Variants in FHIT observed in about 807,000 individuals in gnomAD.
The protein encoded by FHIT is bis(5'-adenosyl)-triphosphatase.
Under a neutral mutation model 17.9 loss-of-function variants are expected in FHIT, and 19 were observed. That is an observed-to-expected ratio of 1.06 (90% confidence interval 0.74 to 1.56). The LOEUF (loss-of-function observed/expected upper bound fraction) is 1.56, where lower values mean the gene tolerates loss of function less well. Among genes scored for constraint, FHIT ranks in the 40% most tolerant of loss-of-function variants. The pLI is 0.00. For missense variants in FHIT, 248 were observed against 189.2 expected, an observed-to-expected ratio of 1.31 and a Z score of -1.82; for synonymous variants, 81 against 69.7, an observed-to-expected ratio of 1.16 and a Z score of -0.81.
intron 8 of FHIT, among the ~76,000 whole-genome samples, chr3:59,805,415 T>C (rs1281661200): frequency 1.3e-5 from 2 of 152,202 alleles, no homozygotes; most frequent in African/African-American, 4.8e-5. Flanking sequence ...TAGGAAGGTC[T>C]TTCTGACTGT....
intron 5 of FHIT, among the ~76,000 whole-genome samples, chr3:60,359,497 T>A (rs1699814032): frequency 6.6e-6 from 1 of 152,000 alleles, no homozygotes; most frequent in Admixed American, 6.5e-5. Flanking sequence ...GCCAGGATGG[T>A]CTCAATCTCT....
chr3:61,041,885 T>C (rs1472322773), intron 3 of FHIT, among the ~76,000 whole-genome samples, 162 bp downstream of exon 3: 1 of 152,180 alleles, frequency 6.6e-6, no homozygotes, highest in South Asian at 2.1e-4. Context: ...CTTGAAAGTA[T>C]AGTGCAGTAT....
At chr3:61,221,586 G>C (rs774142927) in intron 1 of FHIT, among the ~76,000 whole-genome samples, 2 of 152,156 alleles carry the variant, frequency 1.3e-5, no homozygotes, top group Non-Finnish European at 2.9e-5. Flanking sequence ...GCTGAAACTG[G>C]TTATAAAGTT....
intron 5 of FHIT, among the ~76,000 whole-genome samples, chr3:60,490,563 C>G (rs1339767708): frequency 6.7e-6 from 1 of 149,398 alleles, no homozygotes; most frequent in African/African-American, 2.6e-5. Context: ...CCTCTTGCTC[C>G]GTCTCCACAG....
rs1489273279 is a variant in FHIT at position 59,747,817 on chromosome 3, A to G, written c.*1768T>C. ...GGTTGGGGGGAGGTGGGTGGGTGGA[A>G]AGGAGTACTGGTTTAGGGTTGAAGC... On this transcript the variant is annotated 3_prime_UTR_variant, in exon 10 of 10. Transcript: ENST00000492590. Among the ~76,000 whole-genome samples, 1 of 152,042 alleles carries G rather than the reference A, an allele frequency of 6.6e-6. No homozygotes were observed. Among genetic ancestry groups the G allele is most frequent in the African/African-American group, 2.4e-5 (1 of 41,420 alleles).
chr3:60,379,282 T>C (rs1193351899), intron 5 of FHIT, among the ~76,000 whole-genome samples: 3 of 152,052 alleles, frequency 2.0e-5, no homozygotes, highest in Non-Finnish European at 2.9e-5. Flanking sequence ...TCTTCCCAGA[T>C]AATTCCCACA....
chr3:60,059,033 G>C (rs539579904), intron 5 of FHIT, among the ~76,000 whole-genome samples: 15 of 152,276 alleles, frequency 9.9e-5, no homozygotes, highest in Admixed American at 7.8e-4. Context: ...GTTACAGTAG[G>C]TAGGTAGTCA....
chr3:60,493,003 G>A (rs898876592), intron 5 of FHIT, among the ~76,000 whole-genome samples: 2 of 152,228 alleles, frequency 1.3e-5, no homozygotes, highest in Non-Finnish European at 2.9e-5. Context: ...CACAGTACAT[G>A]TATACCCACT....
intron 5 of FHIT, among the ~76,000 whole-genome samples, chr3:60,487,717 T>A (rs961529663): frequency 1.3e-5 from 2 of 152,196 alleles, no homozygotes; most frequent in Non-Finnish European, 2.9e-5. Context: ...CACTTCATCA[T>A]CACATTTTAA....
At chr3:60,334,739 A>C (rs1415259691) in intron 5 of FHIT, among the ~76,000 whole-genome samples, 2 of 152,222 alleles carry the variant, frequency 1.3e-5, no homozygotes, top group African/African-American at 4.8e-5. Flanking sequence ...GTGAGCTGAG[A>C]CCACGCCACT....
At chr3:60,106,760 C>T (rs1704434390) in intron 5 of FHIT, among the ~76,000 whole-genome samples, 1 of 152,156 alleles carries the variant, frequency 6.6e-6, no homozygotes, top group Non-Finnish European at 1.5e-5. Flanking sequence ...ATCCAAAAGC[C>T]ACAATATTGA....
At chr3:60,359,600 C>T (rs553211000) in intron 5 of FHIT, among the ~76,000 whole-genome samples, 5 of 152,200 alleles carry the variant, frequency 3.3e-5, no homozygotes, top group Middle Eastern at 3.4e-3. Flanking sequence ...ATATCTTTTT[C>T]GAATTCTGTG....
intron 5 of FHIT, among the ~76,000 whole-genome samples, chr3:60,501,595 G>C (rs1033579899): frequency 3.9e-5 from 6 of 152,126 alleles, no homozygotes; most frequent in African/African-American, 9.7e-5. Context: ...TGGCTCCTAC[G>C]CTCAACTTTT....
chr3:60,423,911 T>C (rs1167476754), intron 5 of FHIT, among the ~76,000 whole-genome samples: 2 of 152,166 alleles, frequency 1.3e-5, no homozygotes, highest in Non-Finnish European at 2.9e-5. Flanking sequence ...TTTCTCTTCA[T>C]TCTTTCCCAA....
Position 60,702,781 on chromosome 3 carries a change from G to A in FHIT, c.-18+119138C>T, listed in dbSNP as rs782156774. ...CAGTGCTAATAGCAAATATTCCTGT[G>A]TATTCTTCCTGATTTAATATGAGTG... On this transcript the variant is annotated intron_variant, in intron 4 of 9. Transcript: ENST00000492590. Among the ~76,000 whole-genome samples the A allele has an allele frequency of 3.3e-5, 5 of 152,036 alleles. No individual in the cohort carries two copies. In the South Asian group the frequency reaches 6.2e-4, roughly 19 times the overall value.
At chr3:60,961,878 G>C (rs1192630702) in intron 3 of FHIT, among the ~76,000 whole-genome samples, 2 of 152,136 alleles carry the variant, frequency 1.3e-5, no homozygotes, top group South Asian at 4.1e-4. Context: ...CTCTAGCTTT[G>C]TTCTTTTGGC....
chr3:59,899,084 T>G (rs896132674), intron 8 of FHIT, among the ~76,000 whole-genome samples: 3 of 152,142 alleles, frequency 2.0e-5, no homozygotes, highest in African/African-American at 7.2e-5. Context: ...TCCTCCATGT[T>G]CCTCCCAGCC....
chr3:60,479,445 T>C (rs560876677), intron 5 of FHIT, among the ~76,000 whole-genome samples: 2 of 152,210 alleles, frequency 1.3e-5, no homozygotes, highest in Non-Finnish European at 2.9e-5. Flanking sequence ...TATAAGATTA[T>C]AATGTATCTG....
chr3:59,989,078 T>C (rs534449439), intron 7 of FHIT, among the ~76,000 whole-genome samples: 9 of 152,146 alleles, frequency 5.9e-5, no homozygotes, highest in South Asian at 2.1e-4. Context: ...AAAGAGGTTC[T>C]GGGAAGGGGA....
Sources: allele counts gnomAD v4.1 joint callset (sites outside exome capture counted in the v4.1 genomes callset), GRCh38; gene constraint gnomAD v4.1.1; transcripts MANE v1.5; gene names NCBI Gene and HGNC (gene_info 2026-07-23, HGNC 2026-07-21).